SACS: variants seen among roughly 807,000 people sequenced by gnomAD.
SACS encodes sacsin.
Under a neutral mutation model 348.0 loss-of-function variants are expected in SACS, and 197 were observed. That is an observed-to-expected ratio of 0.57 (90% CI 0.50 to 0.64). SACS has a LOEUF of 0.64. Ranked by LOEUF, SACS falls within the 30% of genes least tolerant of loss-of-function variation. The pLI is 0.00. For missense variants in SACS, 4,999 were observed against 5,360.8 expected, an observed-to-expected ratio of 0.93 and a Z score of 2.11; for synonymous variants, 1,985 against 1,910.6, an observed-to-expected ratio of 1.04 and a Z score of -1.02.
At position 23,362,262 on chromosome 13, in the gene SACS, A is replaced by C. The variant is rs556664902; in HGVS notation, c.457+2904T>G. Among the ~76,000 whole-genome samples the C allele has an allele frequency of 3.9e-5, 6 of 152,274 alleles. No homozygotes were observed. The South Asian group carries it at 1.0e-3, about 26-fold the overall frequency. On this transcript the variant is annotated intron_variant, in intron 6 of 9. Coordinates refer to ENST00000382292, the MANE Select transcript of SACS (RefSeq NM_014363.6). The stretch of plus-strand genomic sequence containing the variant: ...GTGCTTCCTTCCCCTGTGTCTTATA[A>C]TCAGCTGTATCCTTGAAATCCTTAG...
Position 23,339,546 on chromosome 13 carries a change from TCA to T in SACS, c.4328_4329del (p.Leu1443HisfsTer4). On this transcript the variant is annotated frameshift_variant, in exon 10 of 10. Transcript: ENST00000382292. LOFTEE classifies it high-confidence loss of function. ...WLKVPCLSTRLINPENMGFEQ... is the reference protein window; with the variant it reads ...WLKVPCLSTRXINPENMGFEQ... ...TCAAATCCCATGTTTTCAGGATTTA[TCA>T]GTCTTGTACTAAGGCATGGAACTTT... The T allele has an allele frequency of 1.2e-6, 2 of 1,613,324 alleles. No homozygotes were observed.
chr13:23,376,197 A>T (rs931392326), intron 2 of SACS, among the ~76,000 whole-genome samples: 3 of 152,204 alleles, frequency 2.0e-5, no homozygotes, highest in Non-Finnish European at 2.9e-5. Context: ...TATTGTTGGT[A>T]GCCTGAATGT....
Position 23,333,418 on chromosome 13 carries a change from T to C in SACS, c.10458A>G (p.Glu3486=). 6.2e-7 allele frequency: 1 copy of C among 1,610,218 alleles called. No homozygotes were observed. Among genetic ancestry groups the C allele is most frequent in the African/African-American group, 1.3e-5 (1 of 74,754 alleles). The change falls in exon 10 of 10, where the codon GAA becomes GAG. Residue 3486 remains glutamate, a synonymous_variant. Transcript: ENST00000382292. ...VYLKHLLPKI[E]NLSYDAKLEH... is the part of the protein sequence containing the mutation. ...CTAATTTTGCATCATAAGAGAGATTTTCAATTTTTGGTAAGAGGTGTTTCA... is the reference window on the plus strand; with the variant it reads ...CTAATTTTGCATCATAAGAGAGATTCTCAATTTTTGGTAAGAGGTGTTTCA...
Position 23,339,229 on chromosome 13 carries a change from T to C in SACS, c.4647A>G (p.Glu1549=). The change falls in exon 10 of 10, where the codon GAA becomes GAG. Residue 1549 remains glutamate, a synonymous_variant. Coordinates refer to ENST00000382292, the MANE Select transcript of SACS (RefSeq NM_014363.6). ...GACCAAATTTTCCAACTTTGTCAACTTCTCCCCTTTTTAAAGATTCTCCTA... is the reference window on the plus strand; with the variant it reads ...GACCAAATTTTCCAACTTTGTCAACCTCTCCCCTTTTTAAAGATTCTCCTA... The part of the protein sequence containing the change: ...TRLGESLKRG[E]VDKVGKFGLG... 1 of 1,609,514 alleles carries C rather than the reference T, an allele frequency of 6.2e-7. No homozygotes were observed. Among genetic ancestry groups the C allele is most frequent in the South Asian group, 1.1e-5 (1 of 89,842 alleles).
In SACS at chr13:23,354,965, T is replaced by C. The variant is rs942512596; in HGVS notation, c.1647A>G (p.Leu549=). ...SKVKVHWQPV[L]EPLFSELLQN... is the part of the protein sequence containing the mutation. ...GCAACAGCTCGCTGAATAGAGGCTCTAACACCGGTTGCCAGTGCACCTTGA... is the reference window on the plus strand; with the variant it reads ...GCAACAGCTCGCTGAATAGAGGCTCCAACACCGGTTGCCAGTGCACCTTGA... The change falls in exon 8 of 10, where the codon TTA becomes TTG. Residue 549 remains leucine, a synonymous_variant. Transcript: ENST00000382292. 5.0e-6 allele frequency: 8 copies of C among 1,614,250 alleles called. No homozygotes were observed. Among genetic ancestry groups the C allele is most frequent in the Non-Finnish European group, 6.8e-6 (8 of 1,180,046 alleles).
Position 23,331,129 on chromosome 13 carries a change from C to T in SACS, c.12747G>A (p.Glu4249=), listed in dbSNP as rs779907117. The T allele has an allele frequency of 3.1e-6, 5 of 1,613,970 alleles. No homozygotes were observed. Among genetic ancestry groups the T allele is most frequent in the Non-Finnish European group, 4.2e-6 (5 of 1,179,996 alleles). The part of the protein sequence containing the change: ...SLDLYKFSRP[E]ESSQSRDSAP... The stretch of plus-strand genomic sequence containing the variant: ...CACTGTCCCTGCTTTGAGAGCTTTC[C>T]TCAGGTCTTGAAAACTTATACAGAT... The change falls in exon 10 of 10, where the codon GAG becomes GAA. Residue 4249 remains glutamate, a synonymous_variant. Coordinates refer to ENST00000382292, the MANE Select transcript of SACS (RefSeq NM_014363.6).
At position 23,355,423 on chromosome 13, in the gene SACS, T is replaced by G; in HGVS notation, c.1189A>C (p.Ser397Arg). 6.2e-7 allele frequency: 1 copy of G among 1,614,134 alleles called. No individual in the cohort carries two copies. Among genetic ancestry groups the G allele is most frequent in the Non-Finnish European group, 8.5e-7 (1 of 1,180,014 alleles). ...AQKTSWLVCNSVGGRGISSKL... is the reference protein window; with the variant it reads ...AQKTSWLVCNRVGGRGISSKL... ...CTACTGATCCCTCGCCCACCCACAC[T>G]GTTACACACCAACCAAGATGTTTTC... The change falls in exon 8 of 10, where the codon AGT becomes CGT. Residue 397 changes from serine (S) to arginine (R), a missense_variant. Transcript: ENST00000382292.
At chr13:23,383,334 A>T (rs1872146198) in intron 2 of SACS, among the ~76,000 whole-genome samples, 1 of 152,080 alleles carries the variant, frequency 6.6e-6, no homozygotes, top group Non-Finnish European at 1.5e-5. Flanking sequence ...TCAGGGCCCC[A>T]GCTGTTCTCA....
chr13:23,356,059 A>G, intron 7 of SACS, 52 bp from the exon 8 acceptor site: 1 of 1,411,220 alleles, frequency 7.1e-7, no homozygotes, highest in Non-Finnish European at 9.8e-7. Context: ...AGGGACAATT[A>G]TGATTACAAT....
intron 3 of SACS, among the ~76,000 whole-genome samples, chr13:23,373,219 TA>T (rs1285160669): frequency 6.6e-6 from 1 of 151,460 alleles, no homozygotes; most frequent in Non-Finnish European, 1.5e-5. Flanking sequence ...GAGAAAGGAG[TA>T]AGAATGACAA....
intron 3 of SACS, among the ~76,000 whole-genome samples, chr13:23,373,152 AC>A (rs1468890751): frequency 1.3e-5 from 2 of 152,184 alleles, no homozygotes; most frequent in African/African-American, 4.8e-5. Flanking sequence ...CAGAGGAGGA[AC>A]CAAAGAAGTG....
In SACS at chr13:23,365,205, T is replaced by C; in HGVS notation, c.418A>G (p.Thr140Ala). 1.2e-6 allele frequency: 2 copies of C among 1,613,078 alleles called. No individual in the cohort carries two copies. The highest frequency in any genetic ancestry group is 1.1e-5 in the South Asian group (1 of 90,634). The change falls in exon 6 of 10, where the codon ACA (threonine) becomes GCA (alanine). Residue 140 changes from threonine to alanine, a missense_variant. Physicochemically the swap from Thr to Ala is moderately conservative, Grantham distance 58 (BLOSUM62 0). Around this residue, in one of 6 missense-constraint regions of SACS, gnomAD observed 3,156 missense variants for 3,380.1 expected, o/e 0.93. Coordinates refer to ENST00000382292, the MANE Select transcript of SACS (RefSeq NM_014363.6). The part of the protein sequence containing the change: ...KFLYDETQYG[T>A]ETLWSKDMAP... ...ATATCTTTTGACCAAAGAGTCTCTG[T>C]TCCGTATTGAGTTTCATCATATAAA...
rs1883548406 is a variant in SACS at position 23,332,525 on chromosome 13, T to C, written c.11351A>G (p.Lys3784Arg). 2 of 1,613,986 alleles carry C rather than the reference T, an allele frequency of 1.2e-6. No individual in the cohort carries two copies. Among genetic ancestry groups the C allele is most frequent in the Non-Finnish European group, 1.7e-6 (2 of 1,179,918 alleles). Residue 3784 changes from lysine (K) to arginine (R), a missense_variant, in exon 10 of 10, where the codon AAA (lysine) becomes AGA (arginine). Coordinates refer to ENST00000382292, the MANE Select transcript of SACS (RefSeq NM_014363.6). ...TCGCAACTGAAAACGAAATTCCCTT[T>C]TTTCTGCACTGAGGAATTCATATAT... ...RSIYEFLSAEKREFRFQLRGV... is the reference protein window; with the variant it reads ...RSIYEFLSAERREFRFQLRGV...
intron 2 of SACS, among the ~76,000 whole-genome samples, chr13:23,403,365 G>T (rs974175952): frequency 1.3e-5 from 2 of 152,156 alleles, no homozygotes; most frequent in African/African-American, 4.8e-5. Flanking sequence ...ACCTCTGGTA[G>T]AATTTGGCTG....
In SACS at chr13:23,340,469, T is replaced by C; in HGVS notation, c.3407A>G (p.Asn1136Ser). Reference sequence around the variant, plus strand: ...TGATTGCAACAGTGTGTGATTCTTATTTAAAACCAGTAAGAGGGTTTTGGC... The same window carrying C: ...TGATTGCAACAGTGTGTGATTCTTACTTAAAACCAGTAAGAGGGTTTTGGC... ...KKAKTLLLVL[N>S]KNHTLLQSSE... Residue 1136 changes from asparagine to serine, a missense_variant, in exon 10 of 10, where the codon AAT becomes AGT. Asn to Ser is a conservative substitution (Grantham distance 46). This residue lies in a region of SACS where 3,156 missense variants were observed against 3,380.1 expected (regional missense o/e 0.93). Coordinates refer to ENST00000382292, the MANE Select transcript of SACS (RefSeq NM_014363.6). 2.5e-6 allele frequency: 4 copies of C among 1,613,550 alleles called. No homozygotes were observed. The highest frequency in any genetic ancestry group is 2.5e-6 in the Non-Finnish European group (3 of 1,179,824).
chr13:23,380,421 C>T (rs1331494481), intron 2 of SACS, among the ~76,000 whole-genome samples: 2 of 152,042 alleles, frequency 1.3e-5, no homozygotes, highest in African/African-American at 2.4e-5. Context: ...CGCTGGGTTC[C>T]TATTTTGGAA....
intron 9 of SACS, among the ~76,000 whole-genome samples, chr13:23,344,135 T>A (rs969248296): frequency 4.6e-5 from 7 of 152,062 alleles, no homozygotes; most frequent in Non-Finnish European, 1.0e-4. Context: ...TTAACTATAA[T>A]GGAATATCCA....
At chr13:23,429,345 ATTTTTTTTTTTTTTTTTTTTTT>A in intron 1 of SACS, among the ~76,000 whole-genome samples, 1 of 51,474 alleles carries the variant, frequency 1.9e-5, no homozygotes, top group East Asian at 7.0e-4. Flanking sequence ...TGAGGTAGGG[ATTTTTTTTTTTTTTTTTTTTTT>A]TTTTTTTTTT....
chr13:23,354,447 A>C (rs1013410317), intron 8 of SACS, 72 bp downstream of exon 8: 23 of 1,321,754 alleles, frequency 1.7e-5, no homozygotes, highest in Non-Finnish European at 2.4e-5. Flanking sequence ...TTTCACAACA[A>C]AGGACTCTCA....
Sources: allele counts gnomAD v4.1 joint callset (sites outside exome capture counted in the v4.1 genomes callset), GRCh38; gene constraint gnomAD v4.1.1; regional missense constraint gnomAD v4.1.1; transcripts MANE v1.5; gene names NCBI Gene and HGNC (gene_info 2026-07-23, HGNC 2026-07-21).